Variants in CACNA2D1 observed in about 807,000 individuals in gnomAD.
CACNA2D1 encodes the protein voltage-dependent calcium channel subunit alpha-2/delta-1.
In CACNA2D1, 53 loss-of-function variants were observed where a neutral mutation model predicts 171.5. The ratio of observed to expected loss-of-function variants is 0.31; its 90% CI spans 0.25 to 0.39. The LOEUF is 0.39. Ranked by LOEUF, CACNA2D1 falls within the 10% of genes least tolerant of loss-of-function variation. The probability of loss-of-function intolerance (pLI) is 1.00; values close to 1 mark genes in which losing one functional copy is unlikely to be tolerated. For missense variants in CACNA2D1, 903 were observed against 1,299.8 expected (o/e 0.69, Z 4.69); for synonymous variants, 442 against 443.1 (o/e 1.00, Z 0.03).
At chr7:82,081,644 GCTA>G (rs760880276) in intron 7 of CACNA2D1, among the ~76,000 whole-genome samples, 3 of 152,172 alleles carry the variant, frequency 2.0e-5, no homozygotes, top group Non-Finnish European at 4.4e-5. Flanking sequence ...TGCTTCCACA[GCTA>G]ATGTTTTGGA....
intron 3 of CACNA2D1, among the ~76,000 whole-genome samples, chr7:82,270,022 T>C (rs544722557): frequency 6.6e-6 from 1 of 152,144 alleles, no homozygotes; most frequent in African/African-American, 2.4e-5. Context: ...AAGACTCCAA[T>C]GCCTTATTTT....
chr7:82,435,298 A>G (rs1457613542), intron 1 of CACNA2D1, among the ~76,000 whole-genome samples: 4 of 152,088 alleles, frequency 2.6e-5, no homozygotes, highest in Non-Finnish European at 2.9e-5. Context: ...CGGCCTCCCA[A>G]AGTGCTGGGA....
At chr7:82,139,105 C>CA (rs1265155924) in intron 4 of CACNA2D1, among the ~76,000 whole-genome samples, 4 of 151,922 alleles carry the variant, frequency 2.6e-5, no homozygotes, top group South Asian at 2.1e-4. Context: ...CCAAGAAAGG[C>CA]AAAAAATAAC....
chr7:81,998,440 T>C (rs1455155189), intron 18 of CACNA2D1, among the ~76,000 whole-genome samples: 1 of 151,966 alleles, frequency 6.6e-6, no homozygotes, highest in Non-Finnish European at 1.5e-5. Context: ...CCAAGGCAGT[T>C]GCAATAAGTA....
At position 81,957,668 on chromosome 7, in the gene CACNA2D1, C is replaced by G. The variant is rs568706154; in HGVS notation, c.3159+1607G>C. 3.3e-5 allele frequency among the ~76,000 whole-genome samples: 5 copies of G among 152,210 alleles called. No homozygotes were observed. In the South Asian group the frequency reaches 1.0e-3, roughly 32 times the overall value. On this transcript the variant is annotated intron_variant, in intron 38 of 38. Transcript: ENST00000356860. ...CGTGAGTCTCCATCCAGAGCAGATT[C>G]ACAGTGACCATTGCAAATAAGCATT... is the stretch of plus-strand genomic sequence containing the variant.
At chr7:82,005,369 A>G in intron 18 of CACNA2D1, 54 bp downstream of exon 18, 1 of 1,055,486 alleles carries the variant, frequency 9.5e-7, no homozygotes, top group South Asian at 1.3e-5. Flanking sequence ...TATTAAGAAC[A>G]TTAATCATTA....
At chr7:82,332,098 T>C (rs1014791506) in intron 3 of CACNA2D1, among the ~76,000 whole-genome samples, 1 of 152,198 alleles carries the variant, frequency 6.6e-6, no homozygotes, top group Non-Finnish European at 1.5e-5. Context: ...TCTTGCTCTT[T>C]CGCGCAGGCT....
chr7:82,013,278 A>T lies in CACNA2D1; in HGVS notation c.1272+183T>A, dbSNP rs144211900. On this transcript the variant is annotated intron_variant, in intron 14 of 38. Coordinates refer to ENST00000356860, the MANE Select transcript of CACNA2D1 (RefSeq NM_000722.4). ...TATTAACCTGAGTTTTGGTTATTTG[A>T]AAACACTTGCAATGTTAATGAAATA... Among the ~76,000 whole-genome samples the T allele has an allele frequency of 6.7e-3, 1,013 of 152,032 alleles. 15 individuals are homozygous for T. Among genetic ancestry groups the T allele is most frequent in the African/African-American group, 0.023 (950 of 41,554 alleles).
intron 9 of CACNA2D1, 87 bp from the exon 10 acceptor site, chr7:82,060,614 C>T (rs1806759599): frequency 2.7e-6 from 2 of 744,306 alleles, no homozygotes; most frequent in Non-Finnish European, 4.6e-6. Flanking sequence ...ATGCACTGAC[C>T]CTAGATCTTT....
At chr7:82,419,981 C>T (rs527259682) in intron 1 of CACNA2D1, among the ~76,000 whole-genome samples, 9 of 152,246 alleles carry the variant, frequency 5.9e-5, no homozygotes, top group South Asian at 2.1e-4. Context: ...AGGCCAAGGA[C>T]GCTGCTAAAA....
At chr7:82,082,324 G>A (rs907910240) in intron 7 of CACNA2D1, among the ~76,000 whole-genome samples, 1 of 152,122 alleles carries the variant, frequency 6.6e-6, no homozygotes, top group Non-Finnish European at 1.5e-5. Context: ...GGAGAGCAGA[G>A]AAGAATCTTA....
chr7:82,162,457 G>T (rs1323988532), intron 4 of CACNA2D1, among the ~76,000 whole-genome samples: 1 of 151,950 alleles, frequency 6.6e-6, no homozygotes, highest in African/African-American at 2.4e-5. Flanking sequence ...TCCACAGAAG[G>T]CATGAGCTTT....
chr7:82,057,337 T>C (rs761547698), intron 10 of CACNA2D1, among the ~76,000 whole-genome samples: 1 of 151,982 alleles, frequency 6.6e-6, no homozygotes, highest in Admixed American at 6.6e-5. Context: ...AGTAGGAAAG[T>C]CCCCTCTTAC....
At chr7:82,353,781 C>T (rs1489138813) in intron 1 of CACNA2D1, among the ~76,000 whole-genome samples, 1 of 151,956 alleles carries the variant, frequency 6.6e-6, no homozygotes, top group Non-Finnish European at 1.5e-5. Flanking sequence ...ATCAGTGCTC[C>T]TTTTGGTTTT....
chr7:82,044,048 A>C (rs1804258939), intron 10 of CACNA2D1, among the ~76,000 whole-genome samples: 1 of 152,172 alleles, frequency 6.6e-6, no homozygotes, highest in South Asian at 2.1e-4. Flanking sequence ...TCTTTTTAAA[A>C]TTATTTTTAG....
At chr7:82,053,834 C>T (rs1157730938) in intron 10 of CACNA2D1, among the ~76,000 whole-genome samples, 3 of 152,086 alleles carry the variant, frequency 2.0e-5, no homozygotes, top group African/African-American at 7.2e-5. Context: ...GAAATGTATT[C>T]CCAGTTTTTC....
intron 1 of CACNA2D1, among the ~76,000 whole-genome samples, chr7:82,415,890 T>G (rs1297618543): frequency 2.6e-5 from 4 of 152,004 alleles, no homozygotes; most frequent in African/African-American, 9.7e-5. Flanking sequence ...CAGGAAAGAT[T>G]GAATACTAAA....
At position 81,951,094 on chromosome 7, in the gene CACNA2D1, T is replaced by A. The variant is rs184687739; in HGVS notation, c.3160-586A>T. Among the ~76,000 whole-genome samples the A allele has an allele frequency of 1.8e-3, 271 of 152,160 alleles. 1 individual carries two copies. The highest frequency in any genetic ancestry group is 6.2e-3 in the African/African-American group (257 of 41,538). On this transcript the variant is annotated intron_variant, in intron 38 of 38. Transcript: ENST00000356860. The stretch of plus-strand genomic sequence containing the variant: ...TTCAAATACATTATTTGGACACATA[T>A]AGGATTTTGCTTTGCAAATATATAT...
chr7:82,158,198 A>G (rs1794565719), intron 4 of CACNA2D1, among the ~76,000 whole-genome samples: 2 of 148,638 alleles, frequency 1.3e-5, no homozygotes, highest in South Asian at 4.1e-4. Context: ...TATAATGTTT[A>G]TAATATATGT....
Sources: allele counts gnomAD v4.1 joint callset (sites outside exome capture counted in the v4.1 genomes callset), GRCh38; gene constraint gnomAD v4.1.1; transcripts MANE v1.5; gene names NCBI Gene and HGNC (gene_info 2026-07-23, HGNC 2026-07-21).